Variants in PTPRD observed in about 807,000 individuals in gnomAD.
PTPRD encodes the protein receptor-type tyrosine-protein phosphatase delta.
In PTPRD, 34 loss-of-function variants were observed where a neutral mutation model predicts 214.5. The ratio of observed to expected loss-of-function variants is 0.16; its 90% CI spans 0.12 to 0.21. PTPRD has a LOEUF of 0.21. Among genes scored for constraint, PTPRD ranks in the 10% least tolerant of loss-of-function variants. The pLI is 1.00. For missense variants in PTPRD, 2,545 were observed against 2,398.7 expected (o/e 1.06, Z -1.27); for synonymous variants, 1,128 against 845.7 (o/e 1.33, Z -5.79).
intron 6 of PTPRD, among the ~76,000 whole-genome samples, chr9:9,752,512 T>C (rs1456332896): frequency 1.3e-5 from 2 of 150,412 alleles, no homozygotes; most frequent in Non-Finnish European, 2.9e-5. Flanking sequence ...GGAGTGTGCC[T>C]TTCAAAATTC....
At chr9:10,392,246 T>C (rs2098082923) in intron 2 of PTPRD, among the ~76,000 whole-genome samples, 1 of 152,046 alleles carries the variant, frequency 6.6e-6, no homozygotes, top group East Asian at 1.9e-4. Flanking sequence ...ACAATATGGA[T>C]TTAGTCACTA....
intron 14 of PTPRD, among the ~76,000 whole-genome samples, chr9:8,556,552 T>G (rs750749232): frequency 6.6e-6 from 1 of 152,164 alleles, no homozygotes; most frequent in Non-Finnish European, 1.5e-5. Context: ...CATACTTGTG[T>G]ATTTTATATT....
intron 5 of PTPRD, among the ~76,000 whole-genome samples, chr9:9,930,740 T>C (rs1469869216): frequency 2.6e-5 from 4 of 152,148 alleles, no homozygotes; most frequent in Admixed American, 6.5e-5. Context: ...ATGTATTATT[T>C]ATACTTTTCC....
intron 9 of PTPRD, among the ~76,000 whole-genome samples, chr9:9,223,358 T>A (rs1199473265): frequency 6.6e-6 from 1 of 151,976 alleles, no homozygotes; most frequent in African/African-American, 2.4e-5. Context: ...AAAATCTTTA[T>A]TATAGGAAGC....
intron 12 of PTPRD, among the ~76,000 whole-genome samples, chr9:8,724,753 A>G (rs1431286874): frequency 2.0e-5 from 3 of 151,630 alleles, no homozygotes; most frequent in Non-Finnish European, 4.4e-5. Flanking sequence ...GGGCAACATG[A>G]GGAAACCCCA....
intron 5 of PTPRD, among the ~76,000 whole-genome samples, chr9:9,866,138 A>T (rs892388749): frequency 2.0e-5 from 3 of 152,210 alleles, no homozygotes; most frequent in Admixed American, 6.5e-5. Context: ...AGTTAAGGTT[A>T]TATCCATTTT....
At chr9:10,386,842 C>T (rs949496455) in intron 2 of PTPRD, among the ~76,000 whole-genome samples, 1 of 151,688 alleles carries the variant, frequency 6.6e-6, no homozygotes, top group Non-Finnish European at 1.5e-5. Flanking sequence ...ATTAAGGGTG[C>T]AGGTGGAATT....
intron 7 of PTPRD, among the ~76,000 whole-genome samples, chr9:9,606,202 T>C (rs150150405): frequency 2.0e-3 from 298 of 152,236 alleles, no homozygotes; most frequent in Middle Eastern, 3.4e-3. Context: ...TCAAACTTAC[T>C]ATTAAATGCC....
chr9:10,013,764 A>T (rs1213081189), intron 4 of PTPRD, among the ~76,000 whole-genome samples: 4 of 151,950 alleles, frequency 2.6e-5, no homozygotes, highest in South Asian at 4.1e-4. Flanking sequence ...TGAAAGATAT[A>T]TTCAACTTTT....
chr9:10,249,793 C>T (rs2092600367), intron 3 of PTPRD, among the ~76,000 whole-genome samples: 1 of 151,964 alleles, frequency 6.6e-6, no homozygotes, highest in Non-Finnish European at 1.5e-5. Flanking sequence ...TACAGAGCTA[C>T]CTATGAATTC....
At chr9:10,128,241 C>T (rs2098834129) in intron 3 of PTPRD, among the ~76,000 whole-genome samples, 1 of 152,116 alleles carries the variant, frequency 6.6e-6, no homozygotes, top group Admixed American at 6.6e-5. Flanking sequence ...TGAAGCCTAA[C>T]ACACAATGGC....
At chr9:8,601,436 T>G (rs556199706) in intron 14 of PTPRD, among the ~76,000 whole-genome samples, 1 of 152,292 alleles carries the variant, frequency 6.6e-6, no homozygotes, top group South Asian at 2.1e-4. Flanking sequence ...TGGGCAAGAC[T>G]CAGTGCTATT....
chr9:9,862,717 A>C (rs1253159192), intron 5 of PTPRD, among the ~76,000 whole-genome samples: 1 of 78,686 alleles, frequency 1.3e-5, no homozygotes, highest in African/African-American at 5.1e-5. Flanking sequence ...TGCACATGCT[A>C]TTGGTGGGGG....
chr9:8,457,694 G>A (rs1795340642), intron 33 of PTPRD, among the ~76,000 whole-genome samples: 1 of 151,968 alleles, frequency 6.6e-6, no homozygotes, highest in African/African-American at 2.4e-5. Flanking sequence ...AGAGATATAT[G>A]ATAAAGTGGA....
At chr9:9,458,219 T>A (rs115841612) in intron 8 of PTPRD, among the ~76,000 whole-genome samples, 2 of 151,994 alleles carry the variant, frequency 1.3e-5, no homozygotes, top group Non-Finnish European at 2.9e-5. Context: ...TGTAATAACA[T>A]GAGACTTTAA....
intron 4 of PTPRD, among the ~76,000 whole-genome samples, chr9:9,992,049 G>A (rs1566967100): frequency 6.6e-6 from 1 of 152,206 alleles, no homozygotes; most frequent in Non-Finnish European, 1.5e-5. Flanking sequence ...GCAAACCCAT[G>A]AGAGTTAGAA....
At chr9:10,305,596 C>G (rs1329888869) in intron 3 of PTPRD, among the ~76,000 whole-genome samples, 1 of 151,972 alleles carries the variant, frequency 6.6e-6, no homozygotes, top group Non-Finnish European at 1.5e-5. Context: ...ACAACCCCAT[C>G]AAAAAGTGGG....
rs1554649145 is a variant in PTPRD at position 9,584,359 on chromosome 9, C to CTTATTATTATTATTATTATTATTATTATT, written c.-286-9579_-286-9578insAATAATAATAATAATAATAATAATAATAA. Among the ~76,000 whole-genome samples the CTTATTATTATTATTATTATTATTATTATT allele has an allele frequency of 1.3e-4, 20 of 149,210 alleles. 1 individual carries two copies. Among genetic ancestry groups the CTTATTATTATTATTATTATTATTATTATT allele is most frequent in the East Asian group, 3.9e-4 (2 of 5,084 alleles). On this transcript the variant is annotated intron_variant, in intron 7 of 45. Transcript: ENST00000381196. ...ACATTAAAACATTTTATTTCATCACCATTATTATTATTATTATTATTTGCT... is the reference window on the plus strand; with the variant it reads ...ACATTAAAACATTTTATTTCATCACCTTATTATTATTATTATTATTATTATTATTATTATTATTATTATTATTATTTGCT...
At chr9:8,330,342 G>A (rs1587749887) in intron 44 of PTPRD, among the ~76,000 whole-genome samples, 1 of 151,480 alleles carries the variant, frequency 6.6e-6, no homozygotes, top group Admixed American at 6.6e-5. Context: ...GTACATTGTT[G>A]TTTGTTTAGA....
Sources: gnomAD v4.1 joint callset for allele counts (sites outside exome capture counted in the v4.1 genomes callset) on GRCh38, gnomAD v4.1.1 for gene constraint, MANE v1.5 for transcripts, NCBI Gene and HGNC (gene_info 2026-07-23, HGNC 2026-07-21) for gene names.